NCOA1: variants seen among roughly 807,000 people sequenced by gnomAD.
NCOA1 encodes the protein nuclear receptor coactivator 1, also known as Hin-2 protein.
A neutral mutation model predicts 150.9 loss-of-function variants in NCOA1; 35 were observed. The ratio of observed to expected loss-of-function variants is 0.23; its 90% CI spans 0.18 to 0.31. The LOEUF (loss-of-function observed/expected upper bound fraction) is 0.31. NCOA1 is among the 10% of genes least tolerant of loss of function. The pLI, the probability that NCOA1 is intolerant of heterozygous loss-of-function variation, is 1.00. For missense variants in NCOA1, 1,491 were observed against 1,749.3 expected (o/e 0.85, Z 2.63); for synonymous variants, 590 against 630.0 (o/e 0.94, Z 0.95).
intron 1 of NCOA1, among the ~76,000 whole-genome samples, chr2:24,508,433 C>CA (rs548118096): frequency 2.2e-4 from 32 of 148,816 alleles, no homozygotes; most frequent in African/African-American, 3.7e-4. Flanking sequence ...TTTGCAATGA[C>CA]AAAAAAAAAG....
chr2:24,675,475 G>A (rs1001366459), intron 7 of NCOA1, among the ~76,000 whole-genome samples: 3 of 152,190 alleles, frequency 2.0e-5, no homozygotes, highest in East Asian at 3.8e-4. Context: ...CATTTGAGGA[G>A]GAAGTCTCCC....
At chr2:24,727,158 AAAAAG>A (rs1270578660) in intron 15 of NCOA1, among the ~76,000 whole-genome samples, 29 of 151,332 alleles carry the variant, frequency 1.9e-4, no homozygotes, top group African/African-American at 6.6e-4. Context: ...AAAAAAAAAA[AAAAAG>A]GGTGGCGGGG....
intron 11 of NCOA1, among the ~76,000 whole-genome samples, chr2:24,700,463 A>G (rs1673108060): frequency 6.6e-6 from 1 of 152,152 alleles, no homozygotes; most frequent in Non-Finnish European, 1.5e-5. Flanking sequence ...TTCTAGTTTT[A>G]GTTTAGTTTT....
intron 11 of NCOA1, among the ~76,000 whole-genome samples, chr2:24,699,891 T>A (rs1248222790): frequency 6.6e-6 from 1 of 152,166 alleles, no homozygotes; most frequent in African/African-American, 2.4e-5. Context: ...ATGCCTGTAA[T>A]CCCAACACTT....
At position 24,610,090 on chromosome 2, in the gene NCOA1, T is replaced by C. The variant is rs894595896; in HGVS notation, c.-175+25530T>C. Among the ~76,000 whole-genome samples the C allele has an allele frequency of 3.3e-5, 5 of 151,210 alleles. No homozygotes were observed. In the East Asian group the frequency reaches 7.7e-4, roughly 23 times the overall value. Reference sequence around the variant, plus strand: ...ACCATGTCTTTTAACCTTTCTTTCATATTTTGCATTTCTTTGTGACTATAG... The same window carrying C: ...ACCATGTCTTTTAACCTTTCTTTCACATTTTGCATTTCTTTGTGACTATAG... On this transcript the variant is annotated intron_variant, in intron 3 of 22. Coordinates refer to ENST00000348332, the MANE Select transcript of NCOA1 (RefSeq NM_003743.5).
At chr2:24,677,663 A>G (rs921273308) in intron 7 of NCOA1, among the ~76,000 whole-genome samples, 1 of 152,092 alleles carries the variant, frequency 6.6e-6, no homozygotes, top group Non-Finnish European at 1.5e-5. Context: ...GCCTCACATG[A>G]TCCACCCCGG....
intron 19 of NCOA1, among the ~76,000 whole-genome samples, chr2:24,747,983 G>GT (rs1230547555): frequency 6.6e-6 from 1 of 152,094 alleles, no homozygotes; most frequent in Non-Finnish European, 1.5e-5. Context: ...GCGCATGCCT[G>GT]TAATCCCAGC....
At chr2:24,586,241 A>C (rs1385733024) in intron 3 of NCOA1, among the ~76,000 whole-genome samples, 1 of 138,070 alleles carries the variant, frequency 7.2e-6, no homozygotes, top group Non-Finnish European at 1.5e-5. Context: ...GTGCCACTGC[A>C]CTTCAGCCTG....
At chr2:24,492,765 CTG>C (rs1470271825) in intron 1 of NCOA1, among the ~76,000 whole-genome samples, 1 of 152,130 alleles carries the variant, frequency 6.6e-6, no homozygotes, top group Non-Finnish European at 1.5e-5. Context: ...CCAGCACCCT[CTG>C]TGGATGCCAA....
chr2:24,531,495 A>C (rs1664899752), intron 1 of NCOA1, among the ~76,000 whole-genome samples: 1 of 152,120 alleles, frequency 6.6e-6, no homozygotes, highest in South Asian at 2.1e-4. Context: ...ACATGTGCAC[A>C]TGTGTACCTG....
intron 3 of NCOA1, among the ~76,000 whole-genome samples, chr2:24,596,253 G>A (rs1159664821): frequency 6.6e-6 from 1 of 152,112 alleles, no homozygotes; most frequent in African/African-American, 2.4e-5. Context: ...ATTCTAGAAA[G>A]CAAAGCAAAT....
intron 1 of NCOA1, among the ~76,000 whole-genome samples, chr2:24,534,257 G>T (rs901538858): frequency 6.6e-6 from 1 of 152,040 alleles, no homozygotes; most frequent in African/African-American, 2.4e-5. Flanking sequence ...TTCTCTGATG[G>T]TAGTTTGTAT....
chr2:24,713,854 G>A (rs1315603838), intron 14 of NCOA1, among the ~76,000 whole-genome samples: 1 of 152,182 alleles, frequency 6.6e-6, no homozygotes, highest in African/African-American at 2.4e-5. Flanking sequence ...GCTAGAACTT[G>A]CTGAACAAAG....
intron 17 of NCOA1, among the ~76,000 whole-genome samples, chr2:24,735,820 T>G (rs760693052): frequency 3.3e-5 from 5 of 152,158 alleles, no homozygotes; most frequent in Non-Finnish European, 5.9e-5. Flanking sequence ...ACTCCTCAAA[T>G]AAGCAAAGAC....
intron 1 of NCOA1, among the ~76,000 whole-genome samples, chr2:24,499,430 G>A (rs1239418712): frequency 6.6e-6 from 1 of 152,048 alleles, no homozygotes; most frequent in East Asian, 1.9e-4. Flanking sequence ...TTGTTCTATG[G>A]CCCTTTGTTT....
chr2:24,507,444 T>G (rs928327420), intron 1 of NCOA1, among the ~76,000 whole-genome samples: 1 of 151,242 alleles, frequency 6.6e-6, no homozygotes, highest in Non-Finnish European at 1.5e-5. Context: ...GGTTTTTTTT[T>G]TTTTTTTTTT....
intron 1 of NCOA1, among the ~76,000 whole-genome samples, chr2:24,538,059 T>A (rs1310651740): frequency 6.6e-6 from 1 of 152,222 alleles, no homozygotes; most frequent in Non-Finnish European, 1.5e-5. Context: ...TTTATTTTAT[T>A]TTTCTTAAGA....
At chr2:24,701,374 G>C (rs570279636) in intron 11 of NCOA1, among the ~76,000 whole-genome samples, 1 of 151,836 alleles carries the variant, frequency 6.6e-6, no homozygotes, top group Non-Finnish European at 1.5e-5. Context: ...GCTAGGCGTG[G>C]CACACAGGTA....
chr2:24,692,014 A>G (rs781127381), intron 9 of NCOA1, among the ~76,000 whole-genome samples: 9 of 152,240 alleles, frequency 5.9e-5, no homozygotes, highest in Non-Finnish European at 8.8e-5. Context: ...ATTTTTAGAA[A>G]GTTTCAAGTT....
Sources: allele counts gnomAD v4.1 joint callset (sites outside exome capture counted in the v4.1 genomes callset), GRCh38; gene constraint gnomAD v4.1.1; transcripts MANE v1.5; gene names NCBI Gene and HGNC (gene_info 2026-07-23, HGNC 2026-07-21).